NUP58: variants seen among roughly 807,000 people sequenced by gnomAD.
The protein encoded by NUP58 is nucleoporin 58.
A neutral mutation model predicts 70.1 loss-of-function variants in NUP58; 17 were observed. The ratio of observed to expected loss-of-function variants is 0.24; its 90% CI spans 0.17 to 0.36. NUP58 has a LOEUF of 0.36. Among genes scored for constraint, NUP58 ranks in the 10% least tolerant of loss-of-function variants. NUP58 has a pLI of 1.00. For missense variants in NUP58, 644 were observed against 701.5 expected (o/e 0.92, Z 0.93); for synonymous variants, 275 against 257.6 (o/e 1.07, Z -0.65).
chr13:25,347,955 CT>C (rs1321072803), intron 3 of NUP58, among the ~76,000 whole-genome samples: 2 of 152,122 alleles, frequency 1.3e-5, no homozygotes, highest in African/African-American at 4.8e-5. Flanking sequence ...ACGAGAAATT[CT>C]TTTTAAATCC....
At chr13:25,310,305 C>T (rs1348600667) in intron 3 of NUP58, among the ~76,000 whole-genome samples, 2 of 149,640 alleles carry the variant, frequency 1.3e-5, no homozygotes, top group Non-Finnish European at 2.9e-5. Context: ...ACCGCAACTT[C>T]CGCCTCCTGG....
rs144577102 is a variant in NUP58 at position 25,323,023 on chromosome 13, C to T, written c.951+1930C>T. ...TGCTGTAATGGGACCCATTTTAACT[C>T]GAAAACTGAATGATTGCATTCACCG... is the stretch of plus-strand genomic sequence containing the variant. On this transcript the variant is annotated intron_variant, in intron 9 of 15. Transcript: ENST00000381736. 7.2e-3 allele frequency among the ~76,000 whole-genome samples: 1,099 copies of T among 152,112 alleles called. 17 individuals carry two copies. The highest frequency in any genetic ancestry group is 0.025 in the African/African-American group (1,051 of 41,482).
At chr13:25,333,642 C>T (rs1022694306) in intron 13 of NUP58, 2 of 985,190 alleles carry the variant, frequency 2.0e-6, no homozygotes, top group Middle Eastern at 5.2e-4. Context: ...TCAAAATTTT[C>T]GTTATTTTTA....
At chr13:25,322,045 G>T (rs2031208737) in intron 9 of NUP58, among the ~76,000 whole-genome samples, 1 of 152,182 alleles carries the variant, frequency 6.6e-6, no homozygotes, top group Admixed American at 6.5e-5. Context: ...TTCTACCTCA[G>T]TGGGAAAGGA....
At chr13:25,339,211 A>G (rs1422792093) in intron 15 of NUP58, among the ~76,000 whole-genome samples, 2 of 152,188 alleles carry the variant, frequency 1.3e-5, no homozygotes, top group African/African-American at 4.8e-5. Context: ...GACTCTTCTT[A>G]TGAAAAATTC....
chr13:25,309,665 A>G (rs1019341730), intron 3 of NUP58, among the ~76,000 whole-genome samples: 1 of 152,196 alleles, frequency 6.6e-6, no homozygotes, highest in African/African-American at 2.4e-5. Flanking sequence ...GCTTTTAGTT[A>G]TCTATAAAAT....
At chr13:25,338,509 C>T in intron 14 of NUP58, 127 bp from the exon 15 acceptor site, 3 of 604,260 alleles carry the variant, frequency 5.0e-6, no homozygotes, top group Non-Finnish European at 8.9e-6. Flanking sequence ...AGCAGATTTC[C>T]TTAATAAGGC....
chr13:25,331,794 A>G, intron 13 of NUP58: 1 of 1,342,486 alleles, frequency 7.4e-7, no homozygotes, highest in Admixed American at 3.2e-5. Flanking sequence ...ACTTAATGTT[A>G]TTTGCTGTAA....
At chr13:25,305,945 G>A (rs984463374) in intron 1 of NUP58, among the ~76,000 whole-genome samples, 2 of 152,066 alleles carry the variant, frequency 1.3e-5, no homozygotes, top group African/African-American at 2.4e-5. Context: ...CCTGGTAAAC[G>A]GCATGTTCCT....
rs1593176532 is a variant in NUP58, at chr13:25,309,135, A to G, written c.251-112A>G. On this transcript the variant is annotated intron_variant, in intron 2 of 15. Coordinates refer to ENST00000381736, the MANE Select transcript of NUP58 (RefSeq NM_014089.4). Reference sequence around the variant, plus strand: ...TACTATGATATGTATTGTTCTAATTAGAAGTGTTGTCACTCCCTGAGGGTG... The same window carrying G: ...TACTATGATATGTATTGTTCTAATTGGAAGTGTTGTCACTCCCTGAGGGTG... 69 of 756,608 alleles carry G rather than the reference A, an allele frequency of 9.1e-5. No homozygotes were observed. The East Asian group carries it at 1.8e-3, about 20-fold the overall frequency. The allele number at this position is 756,608 out of a possible 1,614,324, so 46.9% of individuals were successfully genotyped here.
At chr13:25,322,970 G>T (rs1372748409) in intron 9 of NUP58, among the ~76,000 whole-genome samples, 1 of 152,092 alleles carries the variant, frequency 6.6e-6, no homozygotes, top group African/African-American at 2.4e-5. Context: ...AAATAATGGA[G>T]GAGGCAAACT....
intron 5 of NUP58, among the ~76,000 whole-genome samples, chr13:25,314,929 T>C (rs1209462564): frequency 6.6e-6 from 1 of 152,170 alleles, no homozygotes; most frequent in Non-Finnish European, 1.5e-5. Flanking sequence ...ACATGTTATA[T>C]TCAAATGTTA....
chr13:25,307,566 T>G (rs2030435059), intron 1 of NUP58, among the ~76,000 whole-genome samples: 1 of 152,244 alleles, frequency 6.6e-6, no homozygotes, highest in Non-Finnish European at 1.5e-5. Context: ...GATTTATTTT[T>G]TTTTAAGACT....
In NUP58 at chr13:25,315,471, A is replaced by G; in HGVS notation, c.685+4A>G. The G allele has an allele frequency of 6.3e-7, 1 of 1,582,432 alleles. No individual in the cohort carries two copies. The highest frequency in any genetic ancestry group is 1.1e-5 in the South Asian group (1 of 90,032). On this transcript the variant is annotated splice_donor_region_variant and intron_variant, in intron 6 of 15. Coordinates refer to ENST00000381736, the MANE Select transcript of NUP58 (RefSeq NM_014089.4). ...AGTAGCTCCTCAGATAAAAAGAGTA[A>G]GTAATGCTGTTGTAACTTTATGTTT...
chr13:25,320,298 ATCT>A, intron 7 of NUP58: 1 of 369,932 alleles, frequency 2.7e-6, no homozygotes. Flanking sequence ...ATAGATGCCA[ATCT>A]TCTTAGATAA....
intron 1 of NUP58, among the ~76,000 whole-genome samples, 195 bp from the exon 2 acceptor site, chr13:25,307,611 A>G (rs1269175377): frequency 6.6e-6 from 1 of 152,218 alleles, no homozygotes; most frequent in Non-Finnish European, 1.5e-5. Flanking sequence ...AAGGAAGAAC[A>G]GAAACATATT....
rs747199243 is a variant in NUP58, at chr13:25,331,574, A to G, written c.1435+16A>G. 38 of 1,611,672 alleles carry G rather than the reference A, an allele frequency of 2.4e-5. No homozygotes were observed. The highest frequency in any genetic ancestry group is 3.1e-5 in the Non-Finnish European group (36 of 1,178,684). Reference sequence around the variant, plus strand: ...CCTGCTACAGGTCTGAACGCATTCAAGTTATAGCTTCTTACTGTTCCAATG... The same window carrying G: ...CCTGCTACAGGTCTGAACGCATTCAGGTTATAGCTTCTTACTGTTCCAATG... On this transcript the variant is annotated intron_variant, in intron 13 of 15. Coordinates refer to ENST00000381736, the MANE Select transcript of NUP58 (RefSeq NM_014089.4).
At chr13:25,336,658 AAACT>A (rs1451088091) in intron 13 of NUP58, among the ~76,000 whole-genome samples, 2 of 152,194 alleles carry the variant, frequency 1.3e-5, no homozygotes, top group Non-Finnish European at 2.9e-5. Flanking sequence ...TTAGTAGATT[AAACT>A]AACGTCTTTC....
At chr13:25,303,279 TG>T in intron 1 of NUP58, 1 of 367,750 alleles carries the variant, frequency 2.7e-6, no homozygotes, top group Non-Finnish European at 5.2e-6. Flanking sequence ...CTGGAACCTC[TG>T]GGGACTCATC....
Sources: allele counts gnomAD v4.1 joint callset (sites outside exome capture counted in the v4.1 genomes callset), GRCh38; gene constraint gnomAD v4.1.1; transcripts MANE v1.5; gene names NCBI Gene and HGNC (gene_info 2026-07-23, HGNC 2026-07-21).